The following RHPN1 variants were observed in gnomAD, a reference collection of about 807,000 sequenced individuals.
RHPN1 encodes the protein rhophilin-1.
RHPN1 carries 77 observed loss-of-function variants against 74.7 expected under a neutral mutation model. That is an observed-to-expected ratio of 1.03 (90% CI 0.86 to 1.25). The LOEUF (loss-of-function observed/expected upper bound fraction) is 1.25, where lower values mean the gene tolerates loss of function less well. RHPN1 is among the 50% of genes most tolerant of loss of function. The pLI is 0.00. For missense variants in RHPN1, 987 were observed against 932.2 expected (o/e 1.06, Z -0.77); for synonymous variants, 444 against 414.5 (o/e 1.07, Z -0.87).
At chr8:143,366,764 C>G (rs1007622324), upstream of RHPN1, 3 of 152,220 alleles carry the variant, frequency 2.0e-5, no homozygotes, top group Admixed American at 1.3e-4. Context: ...AACCAAGAAG[C>G]CTGCAAAACA....
At chr8:143,370,035 GA>G (rs35560134) in intron 1 of RHPN1, among the ~76,000 whole-genome samples, 11,166 of 152,342 alleles carry the variant, frequency 0.073, 489 homozygotes, top group Non-Finnish European at 0.099. Context: ...GCACTGGAGG[GA>G]AAGAGGCAGC....
chr8:143,378,132 G>T lies in RHPN1; in HGVS notation c.382-137G>T, dbSNP rs796715243. ...CCACTGAGGGGCCCAGGGCCCCCACGCTGCATGGCAGCCAGCCTGCTCTGC... is the reference window on the plus strand; with the variant it reads ...CCACTGAGGGGCCCAGGGCCCCCACTCTGCATGGCAGCCAGCCTGCTCTGC... On this transcript the variant is annotated intron_variant, in intron 4 of 14. Coordinates refer to ENST00000289013, the MANE Select transcript of RHPN1 (RefSeq NM_052924.3). 4.8e-5 allele frequency: 35 copies of T among 729,942 alleles called. No homozygotes were observed. In the African/African-American group the frequency reaches 5.4e-4, roughly 11 times the overall value. The allele number at this position is 729,942 out of a possible 1,614,324, so 45.2% of individuals were successfully genotyped here.
At chr8:143,380,976 G>A (rs952569814) in intron 11 of RHPN1, among the ~76,000 whole-genome samples, 193 bp downstream of exon 11, 12 of 152,228 alleles carry the variant, frequency 7.9e-5, no homozygotes, top group Admixed American at 5.2e-4. Context: ...GGATGACCAC[G>A]CTCCTCAGCA....
At position 143,372,287 on chromosome 8, in the gene RHPN1, G is replaced by A. The variant is rs148817841; in HGVS notation, c.60+3240G>A. ...CAGAGGCCCTCGAGGTGGTAGCGCC[G>A]GTGGGAAAGGTAGGGATGGGAGGCG... On this transcript the variant is annotated intron_variant, in intron 1 of 14. Transcript: ENST00000289013. Among the ~76,000 whole-genome samples the A allele has an allele frequency of 9.0e-3, 1,363 of 151,870 alleles. 22 individuals are homozygous for A. The highest frequency in any genetic ancestry group is 0.031 in the African/African-American group (1,263 of 41,330).
At chr8:143,376,693 G>A in intron 3 of RHPN1, 40 bp downstream of exon 3, 1 of 1,540,144 alleles carries the variant, frequency 6.5e-7, no homozygotes, top group Non-Finnish European at 8.8e-7. Flanking sequence ...GTGTATGTGT[G>A]TGCACGTGTG....
Position 143,378,251 on chromosome 8 carries a change from A to C in RHPN1, c.382-18A>C. ...AGGCACAGGGGTACTGTGGATGCCA[A>C]CACCTGCCCCCCATCAGGAGCTGAT... On this transcript the variant is annotated intron_variant, in intron 4 of 14. Transcript: ENST00000289013. 1 of 1,559,424 alleles carries C rather than the reference A, an allele frequency of 6.4e-7. No individual in the cohort carries two copies. Among genetic ancestry groups the C allele is most frequent in the Non-Finnish European group, 8.7e-7 (1 of 1,151,320 alleles).
At chr8:143,364,910 G>A (rs939369293), upstream of RHPN1, among the ~76,000 whole-genome samples, 1 of 152,134 alleles carries the variant, frequency 6.6e-6, no homozygotes, top group South Asian at 2.1e-4. The surrounding 1 kb of genome is among the most constrained non-coding windows in gnomAD (Gnocchi z 4.5). Flanking sequence ...CGTCCTGCTC[G>A]CCCTGTGGTA....
chr8:143,382,707 C>A lies in RHPN1; in HGVS notation c.*56C>A. The A allele has an allele frequency of 6.9e-7, 1 of 1,456,156 alleles. No individual in the cohort carries two copies. Among genetic ancestry groups the A allele is most frequent in the Non-Finnish European group, 9.4e-7 (1 of 1,069,486 alleles). The allele number at this position is 1,456,156 out of a possible 1,614,324, so 90.2% of individuals were successfully genotyped here. A position where few individuals can be genotyped will look rare whatever the true frequency, so the allele number is the denominator to read the frequency against. ...GCTCCAGCTGGCAGCAAGCACCGAG[C>A]ATGCCCTCCCCACCCAGAGGACCTC... is the stretch of plus-strand genomic sequence containing the variant. On this transcript the variant is annotated 3_prime_UTR_variant, in exon 15 of 15. Transcript: ENST00000289013.
chr8:143,374,943 T>C (rs1818114291), intron 1 of RHPN1, among the ~76,000 whole-genome samples: 1 of 152,196 alleles, frequency 6.6e-6, no homozygotes, highest in Non-Finnish European at 1.5e-5. Context: ...GTCATTTCTC[T>C]GTGGATAGGG....
rs1259880801 is a variant in RHPN1, at chr8:143,381,920, C to T, written c.1749C>T (p.Ala583=). Residue 583 remains alanine (A), a synonymous_variant, in exon 14 of 15, where the codon GCC becomes GCT. Transcript: ENST00000289013. The part of the protein sequence containing the change: ...TELKAAGEAG[A]SLQVVSLLPS... ...TGAAGGCTGCGGGAGAGGCGGGCGC[C>T]AGCCTGCAGGTGGTGTCGCTGCTGC... 1 of 1,610,918 alleles carries T rather than the reference C, an allele frequency of 6.2e-7. No individual in the cohort carries two copies. Among genetic ancestry groups the T allele is most frequent in the African/African-American group, 1.3e-5 (1 of 74,900 alleles).
In RHPN1 at chr8:143,383,963, C is replaced by T. The variant is rs1818906207; in HGVS notation, c.*1312C>T. ...GGCTCTGGTTCCAGGGTCCAGGGCC[C>T]TGCGCTGCCACCTCCCTCGTGCTTC... is the stretch of plus-strand genomic sequence containing the variant. On this transcript the variant is annotated 3_prime_UTR_variant, in exon 15 of 15. Transcript: ENST00000289013. The T allele has an allele frequency of 6.6e-6, 1 of 152,314 alleles. No homozygotes were observed. Among genetic ancestry groups the T allele is most frequent in the Non-Finnish European group, 1.5e-5 (1 of 68,154 alleles). The allele number at this position is 152,314 out of a possible 1,614,324, so 9.4% of individuals were successfully genotyped here.
At chr8:143,377,322 G>A in intron 3 of RHPN1, 58 bp from the exon 4 acceptor site, 1 of 1,431,156 alleles carries the variant, frequency 7.0e-7, no homozygotes, top group Non-Finnish European at 9.8e-7. Flanking sequence ...TGGACCCCGG[G>A]CTGCCGTGGG....
chr8:143,369,849 T>A (rs1299635574), intron 1 of RHPN1, among the ~76,000 whole-genome samples: 1 of 152,380 alleles, frequency 6.6e-6, no homozygotes, highest in Non-Finnish European at 1.5e-5. Context: ...GACTGTGTTG[T>A]CCCTGGGCTG....
Position 143,382,325 on chromosome 8 carries a change from A to G in RHPN1, c.1798-111A>G, listed in dbSNP as rs1818796709. The G allele has an allele frequency of 4.3e-6, 4 of 938,652 alleles. No homozygotes were observed. In the Middle Eastern group the frequency reaches 9.9e-4, roughly 231 times the overall value. 58.1% of individuals were successfully genotyped at this position (938,652 alleles called of 1,614,324 possible). ...CCACCCTGATGGGAGCCCCCAAACA[A>G]GCCCCCGACGTGCCAGCCCCTCCCA... is the stretch of plus-strand genomic sequence containing the variant. On this transcript the variant is annotated intron_variant, in intron 14 of 14. Coordinates refer to ENST00000289013, the MANE Select transcript of RHPN1 (RefSeq NM_052924.3).
chr8:143,381,254 T>C lies in RHPN1; in HGVS notation c.1412-14T>C. 6.2e-7 allele frequency: 1 copy of C among 1,610,264 alleles called. No individual in the cohort carries two copies. Among genetic ancestry groups the C allele is most frequent in the East Asian group, 2.2e-5 (1 of 44,838 alleles). On this transcript the variant is annotated splice_polypyrimidine_tract_variant and intron_variant, in intron 11 of 14. Transcript: ENST00000289013. ...ACAGTCTCCCAGCTTAGCTCTGCTC[T>C]TACACCCTCTCAGCTAAGACCCACC...
intron 8 of RHPN1, 85 bp downstream of exon 8, chr8:143,379,593 C>A (rs777369999): frequency 1.4e-6 from 2 of 1,463,500 alleles, no homozygotes; most frequent in African/African-American, 1.4e-5. Context: ...TGAGCTCTCC[C>A]ACCTCCTTCC....
chr8:143,378,705 A>AC lies in RHPN1; in HGVS notation c.474dup (p.Ser159GlnfsTer4), dbSNP rs1818464417. The AC allele has an allele frequency of 4.4e-6, 7 of 1,594,662 alleles. No individual in the cohort carries two copies. Among genetic ancestry groups the AC allele is most frequent in the Non-Finnish European group, 6.0e-6 (7 of 1,172,042 alleles). On this transcript the variant is annotated frameshift_variant, in exon 6 of 15. Transcript: ENST00000289013. LOFTEE classifies it high-confidence loss of function. ...GGCTCCTGCCCTGCAGGCCATGCGGACCCCCAGCCGGAATGAGTCGGGCCT... is the reference window on the plus strand; with the variant it reads ...GGCTCCTGCCCTGCAGGCCATGCGGACCCCCCAGCCGGAATGAGTCGGGCCT...
chr8:143,377,651 G>A (rs540323937), intron 4 of RHPN1, among the ~76,000 whole-genome samples, 196 bp downstream of exon 4: 8 of 152,036 alleles, frequency 5.3e-5, no homozygotes, highest in African/African-American at 1.2e-4. Context: ...TCAGGGCCCC[G>A]CTGGTGCCTG....
chr8:143,365,046 C>A (rs1300007135), upstream of RHPN1, among the ~76,000 whole-genome samples: 1 of 152,010 alleles, frequency 6.6e-6, no homozygotes, highest in Non-Finnish European at 1.5e-5. Context: ...CAGGTGCAAA[C>A]CCACACTCCA....
Sources: gnomAD v4.1 joint callset for allele counts (sites outside exome capture counted in the v4.1 genomes callset) on GRCh38, gnomAD v4.1.1 for gene constraint, Gnocchi (gnomAD v3.1) non-coding constraint, MANE v1.5 for transcripts, NCBI Gene and HGNC (gene_info 2026-07-23, HGNC 2026-07-21) for gene names.